GBA2: variants seen among roughly 807,000 people sequenced by gnomAD.
GBA2 encodes glucosylceramidase beta 2.
In GBA2, 79 loss-of-function variants were observed where a neutral mutation model predicts 112.9. That is an observed-to-expected ratio of 0.70 (90% confidence interval 0.58 to 0.84). The LOEUF (loss-of-function observed/expected upper bound fraction) is 0.84. GBA2 is among the 40% of genes least tolerant of loss of function. The pLI, the probability that GBA2 is intolerant of heterozygous loss-of-function variation, is 0.00. For synonymous variants in GBA2, 403 were observed against 434.3 expected (o/e 0.93, Z 0.90); for missense variants, 1,043 against 1,190.0 (o/e 0.88, Z 1.82).
chr9:35,739,444 G>A (rs368787221), intron 9 of GBA2, 25 bp from the exon 10 acceptor site: 1 of 1,528,486 alleles, frequency 6.5e-7, no homozygotes, highest in Non-Finnish European at 9.1e-7. Flanking sequence ...GAGACACACT[G>A]TTGCCAGAAT....
At chr9:35,739,249 G>A in intron 10 of GBA2, 66 bp downstream of exon 10, 1 of 1,150,208 alleles carries the variant, frequency 8.7e-7, no homozygotes, top group East Asian at 2.3e-5. Context: ...GACAATCTGA[G>A]GGACCACAGA....
intron 8 of GBA2, 73 bp from the exon 9 acceptor site, chr9:35,739,873 C>T: frequency 6.4e-7 from 1 of 1,559,690 alleles, no homozygotes; most frequent in African/African-American, 1.4e-5. Flanking sequence ...GGGGGTTCAG[C>T]AGAGTGGGAT....
At chr9:35,747,488 C>A (rs558446168) in intron 1 of GBA2, among the ~76,000 whole-genome samples, 1 of 152,254 alleles carries the variant, frequency 6.6e-6, no homozygotes, top group Admixed American at 6.5e-5. Flanking sequence ...TAACTGATCT[C>A]CCCATCACAG....
In GBA2 at chr9:35,739,763, C is replaced by T; in HGVS notation, c.1447G>A (p.Glu483Lys). 6.2e-7 allele frequency: 1 copy of T among 1,614,102 alleles called. No homozygotes were observed. Among genetic ancestry groups the T allele is most frequent in the Non-Finnish European group, 8.5e-7 (1 of 1,179,970 alleles). The change falls in exon 9 of 17, where the codon GAA becomes AAA. Residue 483 changes from glutamate (E) to lysine (K), a missense_variant. Transcript: ENST00000378103. The part of the protein sequence containing the change: ...PAWYKSALFN[E>K]LYFLADGGTV... ...CCTCCATCAGCCAGGAAGTATAGTT[C>T]ATTGAACAGCGCAGATTTGTACCAG... is the stretch of plus-strand genomic sequence containing the variant.
chr9:35,739,911 C>T, intron 8 of GBA2, 87 bp downstream of exon 8: 7 of 1,565,330 alleles, frequency 4.5e-6, no homozygotes, highest in South Asian at 1.1e-5. Flanking sequence ...TGCAAGTCTA[C>T]TGACTTTGGT....
chr9:35,745,730 C>G (rs1313584690), intron 1 of GBA2, among the ~76,000 whole-genome samples: 1 of 152,094 alleles, frequency 6.6e-6, no homozygotes, highest in Non-Finnish European at 1.5e-5. Flanking sequence ...GACATCTGTC[C>G]CAGCCTATCT....
chr9:35,737,137 T>C lies in GBA2; in HGVS notation c.*32A>G, dbSNP rs751208161. The C allele has an allele frequency of 1.9e-6, 3 of 1,586,776 alleles. No homozygotes were observed. The highest frequency in any genetic ancestry group is 1.7e-6 in the Non-Finnish European group (2 of 1,171,120). ...GGAAAGGCCAGGCTGGAGGCTGGGC[T>C]GTTAGCACTTCCCTCCCACAGTTCA... On this transcript the variant is annotated 3_prime_UTR_variant, in exon 17 of 17. Coordinates refer to ENST00000378103, the MANE Select transcript of GBA2 (RefSeq NM_020944.3). The surrounding 1 kb of genome is among the most constrained non-coding windows in gnomAD (Gnocchi z 4.1).
At position 35,737,987 on chromosome 9, in the gene GBA2, C is replaced by T. The variant is rs1826339396; in HGVS notation, c.2314-48G>A. ...ATGGTCTCATATACTTACTTCCCAC[C>T]TCCAGGGAAAACCCATTTTTCTCTC... is the stretch of plus-strand genomic sequence containing the variant. On this transcript the variant is annotated intron_variant, in intron 15 of 16. Transcript: ENST00000378103. The surrounding 1 kb of genome is among the most constrained non-coding windows in gnomAD (Gnocchi z 4.1). 1.9e-6 allele frequency: 3 copies of T among 1,597,056 alleles called. No homozygotes were observed. Among genetic ancestry groups the T allele is most frequent in the African/African-American group, 1.3e-5 (1 of 74,470 alleles).
chr9:35,737,130 G>A lies in GBA2; in HGVS notation c.*39C>T, dbSNP rs766034702. On this transcript the variant is annotated 3_prime_UTR_variant, in exon 17 of 17. Transcript: ENST00000378103. The surrounding 1 kb of genome is among the most constrained non-coding windows in gnomAD (Gnocchi z 4.1). ...GGAAGGAGGAAAGGCCAGGCTGGAG[G>A]CTGGGCTGTTAGCACTTCCCTCCCA... 7.8e-5 allele frequency: 124 copies of A among 1,581,146 alleles called. No homozygotes were observed. Among genetic ancestry groups the A allele is most frequent in the Non-Finnish European group, 1.0e-4 (122 of 1,168,328 alleles).
At chr9:35,742,115 C>A in intron 3 of GBA2, 1 of 585,070 alleles carries the variant, frequency 1.7e-6, no homozygotes, top group Admixed American at 2.9e-5. Context: ...GGTGTTAGCA[C>A]CTCACTTAAG....
chr9:35,737,367 G>C lies in GBA2; in HGVS notation c.2586C>G (p.Thr862=). 1 of 1,614,178 alleles carries C rather than the reference G, an allele frequency of 6.2e-7. No homozygotes were observed. The highest frequency in any genetic ancestry group is 8.5e-7 in the Non-Finnish European group (1 of 1,180,038). ...VWERLGLAFQ[T]PEAYCQQRVF... ...CTCGCTGCTGGCAGTATGCCTCTGGGGTCTGGAAGGCCAGACCCAGGCGCT... is the reference window on the plus strand; with the variant it reads ...CTCGCTGCTGGCAGTATGCCTCTGGCGTCTGGAAGGCCAGACCCAGGCGCT... The change falls in exon 17 of 17, where the codon ACC becomes ACG. Residue 862 remains threonine, a synonymous_variant. Transcript: ENST00000378103. This position sits in a 1 kb window ranked among gnomAD's most constrained non-coding sequence, Gnocchi z 4.1.
chr9:35,741,053 C>G lies in GBA2; in HGVS notation c.798G>C (p.Leu266=). The G allele has an allele frequency of 6.2e-7, 1 of 1,614,128 alleles. No homozygotes were observed. Among genetic ancestry groups the G allele is most frequent in the Non-Finnish European group, 8.5e-7 (1 of 1,180,010 alleles). The stretch of plus-strand genomic sequence containing the variant: ...CATCCCACACAAAGACTCCTACAGG[C>G]AGGCTGCTGTCCTGGGGGCAGAAGA... The part of the protein sequence containing the change: ...ILPHDYQDSS[L]PVGVFVWDVE... Residue 266 remains leucine, a synonymous_variant, in exon 5 of 17, where the codon CTG becomes CTC. Transcript: ENST00000378103. The surrounding 1 kb of genome is among the most constrained non-coding windows in gnomAD (Gnocchi z 4.6).
Position 35,737,847 on chromosome 9 carries a change from A to C in GBA2, c.2406T>G (p.Asn802Lys). Residue 802 changes from asparagine (N) to lysine (K), a missense_variant, in exon 16 of 17, where the codon AAT (asparagine) becomes AAG (lysine). By Grantham distance (94) the Asn-to-Lys change is moderately conservative. Transcript: ENST00000378103. The surrounding 1 kb of genome is among the most constrained non-coding windows in gnomAD (Gnocchi z 4.1). ...CAGGGACACCATGGGGCTGCATCCC[A>C]TTCACAGCCCCCATGGCCCCTCCTG... ...AFAGGAMGAV[N>K]GMQPHGVPDK... is the part of the protein sequence containing the mutation. 6.2e-7 allele frequency: 1 copy of C among 1,613,240 alleles called. No individual in the cohort carries two copies.
chr9:35,749,002 G>A lies in GBA2; in HGVS notation c.-298C>T. The A allele has an allele frequency of 3.8e-6, 1 of 265,242 alleles. No homozygotes were observed. Among genetic ancestry groups the A allele is most frequent in the Non-Finnish European group, 7.0e-6 (1 of 143,308 alleles). The allele number at this position is 265,242 out of a possible 1,614,324, so 16.4% of individuals were successfully genotyped here. On this transcript the variant is annotated 5_prime_UTR_variant, in exon 1 of 17. Coordinates refer to ENST00000378103, the MANE Select transcript of GBA2 (RefSeq NM_020944.3). The surrounding 1 kb of genome is among the most constrained non-coding windows in gnomAD (Gnocchi z 4.4). ...GCCCGGCCAAAGGGCGACTGGGCCC[G>A]CAGAGAGGGGAGGAGCCGCGGGGCC... is the stretch of plus-strand genomic sequence containing the variant.
chr9:35,738,698 C>G (rs1416721125), intron 12 of GBA2, 54 bp downstream of exon 12: 2 of 1,606,052 alleles, frequency 1.2e-6, no homozygotes, highest in African/African-American at 2.7e-5. Context: ...CTAGGCTCTT[C>G]CCAGACACCA....
Position 35,746,795 on chromosome 9 carries a change from C to G in GBA2, c.359+1551G>C, listed in dbSNP as rs186702597. Among the ~76,000 whole-genome samples, 2 of 152,160 alleles carry G rather than the reference C, an allele frequency of 1.3e-5. No individual in the cohort carries two copies. The highest frequency in any genetic ancestry group is 2.9e-5 in the Non-Finnish European group (2 of 68,006). The stretch of plus-strand genomic sequence containing the variant: ...GGCAACCAGGGAGAGTAACTGCAAT[C>G]TATGAGGACAGACAGAACAAAGGAC... On this transcript the variant is annotated intron_variant, in intron 1 of 16. Transcript: ENST00000378103. This position sits in a 1 kb window ranked among gnomAD's most constrained non-coding sequence, Gnocchi z 5.2.
At position 35,740,061 on chromosome 9, in the gene GBA2, A is replaced by C; in HGVS notation, c.1346T>G (p.Leu449Arg). The C allele has an allele frequency of 6.2e-7, 1 of 1,614,090 alleles. No homozygotes were observed. The highest frequency in any genetic ancestry group is 8.5e-7 in the Non-Finnish European group (1 of 1,179,964). ...DAAPALSHYA[L>R]CRYAEWEERI... ...CTCTTCCCACTCTGCGTATCGGCAC[A>C]GTGCATAGTGGCTGAGGGCAGGTGC... is the stretch of plus-strand genomic sequence containing the variant. Residue 449 changes from leucine (L) to arginine (R), a missense_variant, in exon 8 of 17, where the codon CTG becomes CGG. Leu to Arg is a moderately radical substitution (Grantham distance 102). Coordinates refer to ENST00000378103, the MANE Select transcript of GBA2 (RefSeq NM_020944.3). The surrounding 1 kb of genome is among the most constrained non-coding windows in gnomAD (Gnocchi z 4.7).
At chr9:35,748,187 C>G (rs1178655412) in intron 1 of GBA2, among the ~76,000 whole-genome samples, 159 bp downstream of exon 1, 2 of 152,202 alleles carry the variant, frequency 1.3e-5, no homozygotes, top group Non-Finnish European at 2.9e-5. Context: ...GACCTGGTCT[C>G]ACGGTCCAAA....
In GBA2 at chr9:35,740,160, G is replaced by C. The variant is rs1395471106; in HGVS notation, c.1284-37C>G. The C allele has an allele frequency of 1.9e-5, 30 of 1,614,016 alleles. No individual in the cohort carries two copies. The highest frequency in any genetic ancestry group is 2.4e-5 in the Non-Finnish European group (28 of 1,179,918). ...AGGGGAAGGATGAACACAAGCCCCA[G>C]GTCAGAGCCCCAGCACTCTGGATCC... On this transcript the variant is annotated intron_variant, in intron 7 of 16. Transcript: ENST00000378103. The surrounding 1 kb of genome is among the most constrained non-coding windows in gnomAD (Gnocchi z 4.7).
Sources: allele counts gnomAD v4.1 joint callset (sites outside exome capture counted in the v4.1 genomes callset), GRCh38; gene constraint gnomAD v4.1.1; non-coding constraint Gnocchi (gnomAD v3.1); transcripts MANE v1.5; gene names NCBI Gene and HGNC (gene_info 2026-07-23, HGNC 2026-07-21).